The following CCDC171 variants were observed in gnomAD, a reference collection of about 807,000 sequenced individuals.
The protein encoded by CCDC171 is coiled-coil domain containing 171.
CCDC171 carries 177 observed loss-of-function variants against 168.2 expected under a neutral mutation model. The ratio of observed to expected loss-of-function variants is 1.05; its 90% CI spans 0.93 to 1.19. The LOEUF (loss-of-function observed/expected upper bound fraction) is 1.19, where lower values mean the gene tolerates loss of function less well. Among genes scored for constraint, CCDC171 ranks in the 50% most tolerant of loss-of-function variants. The pLI is 0.00. For missense variants in CCDC171, 1,991 were observed against 1,539.0 expected (o/e 1.29, Z -4.91); for synonymous variants, 687 against 540.8 (o/e 1.27, Z -3.75).
the CCDC171 span, among the ~76,000 whole-genome samples, chr9:16,095,819 TAC>T: frequency 6.8e-6 from 1 of 146,858 alleles, no homozygotes. Context: ...GGAGTGAGTA[TAC>T]ACACACACCC....
chr9:15,674,211 T>G (rs1400773364), intron 9 of CCDC171, among the ~76,000 whole-genome samples: 1 of 152,144 alleles, frequency 6.6e-6, no homozygotes, highest in Non-Finnish European at 1.5e-5. Context: ...TGAGATCCCC[T>G]TTATCATTTT....
chr9:15,556,726 C>A (rs1385437798), intron 1 of CCDC171, among the ~76,000 whole-genome samples: 1 of 151,880 alleles, frequency 6.6e-6, no homozygotes, highest in Non-Finnish European at 1.5e-5. Flanking sequence ...TTTTGCTGTG[C>A]AGAAGCTCTT....
At chr9:15,720,869 G>A (rs1418615445) in intron 11 of CCDC171, among the ~76,000 whole-genome samples, 1 of 152,252 alleles carries the variant, frequency 6.6e-6, no homozygotes, top group Admixed American at 6.5e-5. Flanking sequence ...GCCCCAGTGT[G>A]TGATGTTCTC....
intron 24 of CCDC171, among the ~76,000 whole-genome samples, chr9:15,909,190 G>T (rs1200225982): frequency 6.6e-6 from 1 of 152,108 alleles, no homozygotes; most frequent in Non-Finnish European, 1.5e-5. Context: ...CAAGGCTAAG[G>T]CCTTCTACCC....
chr9:15,672,047 T>A (rs2049155684), intron 9 of CCDC171, among the ~76,000 whole-genome samples: 2 of 152,206 alleles, frequency 1.3e-5, no homozygotes, highest in African/African-American at 2.4e-5. Context: ...CCATTCTAAC[T>A]GGTGTGAGAT....
intron 3 of CCDC171, among the ~76,000 whole-genome samples, chr9:15,991,287 G>A (rs137877517): frequency 0.075 from 11,405 of 151,644 alleles, 1,401 homozygotes; most frequent in African/African-American, 0.26. Context: ...ACTCCAAACC[G>A]CTCAACTACA....
rs1001052226 is a variant in CCDC171 at position 15,731,868 on chromosome 9, C to G, written c.2049+2070C>G. ...CTCTGCAGCACTTGGTATTGTCAGT[C>G]TTTTAAATTTTAGTCATTATAGTGG... On this transcript the variant is annotated intron_variant, in intron 16 of 25. Coordinates refer to ENST00000380701, the MANE Select transcript of CCDC171 (RefSeq NM_173550.4). Among the ~76,000 whole-genome samples, 5 of 151,948 alleles carry G rather than the reference C, an allele frequency of 3.3e-5. No homozygotes were observed. The South Asian group carries it at 1.0e-3, about 32-fold the overall frequency.
rs149314506 is a variant in CCDC171 at position 15,626,632 on chromosome 9, G to A, written c.822+3219G>A. On this transcript the variant is annotated intron_variant, in intron 7 of 25. Transcript: ENST00000380701. ...GGATTACGTTTATTGATTTGTGTAC[G>A]TTGAACCAGCTTTGCATCCCAGGGA... Among the ~76,000 whole-genome samples, 873 of 152,154 alleles carry A rather than the reference G, an allele frequency of 5.7e-3. 10 individuals carry two copies. Among genetic ancestry groups the A allele is most frequent in the African/African-American group, 0.02 (817 of 41,530 alleles).
chr9:15,860,315 AGTTT>A (rs1182437301), intron 23 of CCDC171, among the ~76,000 whole-genome samples: 2 of 148,124 alleles, frequency 1.4e-5, no homozygotes, highest in East Asian at 4.1e-4. Context: ...TTTTGGGTTT[AGTTT>A]GTTCTTCTTC....
chr9:15,571,476 A>C (rs957325868), intron 2 of CCDC171, 148 bp from the exon 3 acceptor site: 2 of 544,296 alleles, frequency 3.7e-6, no homozygotes, highest in Non-Finnish European at 6.3e-6. Flanking sequence ...TTTGCAGTGG[A>C]CATCTTTTAC....
intron 11 of CCDC171, among the ~76,000 whole-genome samples, chr9:15,698,046 G>A (rs1028495800): frequency 1.0e-4 from 13 of 130,274 alleles, no homozygotes; most frequent in Admixed American, 3.0e-4. Flanking sequence ...AATATAAAAC[G>A]TATTGTTGTT....
At chr9:15,614,033 G>C (rs2043905495) in intron 6 of CCDC171, among the ~76,000 whole-genome samples, 1 of 152,142 alleles carries the variant, frequency 6.6e-6, no homozygotes, top group African/African-American at 2.4e-5. Flanking sequence ...TTGCTGAGTG[G>C]TTCTTTCTTT....
chr9:15,566,673 T>C (rs1275768353), intron 2 of CCDC171, among the ~76,000 whole-genome samples: 1 of 152,242 alleles, frequency 6.6e-6, no homozygotes, highest in Non-Finnish European at 1.5e-5. Flanking sequence ...AGTTTTTAAC[T>C]TTGATGAAGT....
intron 25 of CCDC171, among the ~76,000 whole-genome samples, chr9:15,952,672 C>T (rs911158529): frequency 1.3e-5 from 2 of 152,158 alleles, no homozygotes; most frequent in Non-Finnish European, 2.9e-5. Flanking sequence ...GCTGGGATTA[C>T]AGGCATGAGC....
chr9:15,629,592 G>A (rs1227694542), intron 7 of CCDC171, among the ~76,000 whole-genome samples: 1 of 152,194 alleles, frequency 6.6e-6, no homozygotes, highest in Non-Finnish European at 1.5e-5. Context: ...AACCAAGTTG[G>A]AAAACACTCT....
chr9:15,692,972 A>G (rs2050927015), intron 10 of CCDC171, among the ~76,000 whole-genome samples: 1 of 151,958 alleles, frequency 6.6e-6, no homozygotes, highest in Admixed American at 6.6e-5. Context: ...CCCCTTCTCT[A>G]CTAGAAATAC....
intron 24 of CCDC171, chr9:15,888,944 C>CGTTTCTT: frequency 1.7e-5 from 1 of 59,332 alleles, no homozygotes; most frequent in Middle Eastern, 8.9e-3. Flanking sequence ...CCTCATTTTT[C>CGTTTCTT]TTTTCTTTTT....
intron 8 of CCDC171, among the ~76,000 whole-genome samples, chr9:15,665,344 A>G (rs189372121): frequency 6.6e-6 from 1 of 152,200 alleles, no homozygotes; most frequent in Non-Finnish European, 1.5e-5. Flanking sequence ...ATTTCAGTCA[A>G]ATAGTATTGT....
At chr9:15,724,583 A>G (rs1012298087) in intron 13 of CCDC171, among the ~76,000 whole-genome samples, 193 bp from the exon 14 acceptor site, 1 of 152,214 alleles carries the variant, frequency 6.6e-6, no homozygotes, top group Non-Finnish European at 1.5e-5. Flanking sequence ...CAAATGTTCT[A>G]ATTTTTGAGC....
Sources: gnomAD v4.1 joint callset for allele counts (sites outside exome capture counted in the v4.1 genomes callset) on GRCh38, gnomAD v4.1.1 for gene constraint, MANE v1.5 for transcripts, NCBI Gene and HGNC (gene_info 2026-07-23, HGNC 2026-07-21) for gene names.